Variants in ERGIC1 observed in about 807,000 individuals in gnomAD.
ERGIC1 encodes the protein endoplasmic reticulum-golgi intermediate compartment 1.
Under a neutral mutation model 38.3 loss-of-function variants are expected in ERGIC1, and 19 were observed. That is an observed-to-expected ratio of 0.50 (90% CI 0.35 to 0.73). The LOEUF is 0.73. Ranked by LOEUF, ERGIC1 falls within the 30% of genes least tolerant of loss-of-function variation. The pLI, the probability that ERGIC1 is intolerant of heterozygous loss-of-function variation, is 0.01. For synonymous variants in ERGIC1, 124 were observed against 157.6 expected, an observed-to-expected ratio of 0.79 and a Z score of 1.60; for missense variants, 294 against 389.2, an observed-to-expected ratio of 0.76 and a Z score of 2.06.
chr5:172,865,702 G>A (rs1030228109), intron 1 of ERGIC1, among the ~76,000 whole-genome samples: 1 of 152,128 alleles, frequency 6.6e-6, no homozygotes, highest in South Asian at 2.1e-4. Context: ...GGTCACACAC[G>A]TGGAATCATA....
chr5:172,906,139 G>T, intron 3 of ERGIC1: 1 of 456,248 alleles, frequency 2.2e-6, no homozygotes, highest in Non-Finnish European at 4.4e-6. Context: ...GCTCTTGGTG[G>T]CCTCTGATTG....
intron 1 of ERGIC1, among the ~76,000 whole-genome samples, chr5:172,881,574 T>A (rs1159471466): frequency 6.6e-6 from 1 of 152,218 alleles, no homozygotes; most frequent in African/African-American, 2.4e-5. Context: ...TTTAGCTTTC[T>A]GTGTTTGAGG....
At chr5:172,908,707 A>C (rs982566910) in intron 3 of ERGIC1, among the ~76,000 whole-genome samples, 1 of 152,248 alleles carries the variant, frequency 6.6e-6, no homozygotes, top group Non-Finnish European at 1.5e-5. Flanking sequence ...TCTCCCAAGA[A>C]CACAGCCCGT....
chr5:172,907,745 CA>C (rs1763071806), intron 3 of ERGIC1, among the ~76,000 whole-genome samples: 1 of 152,128 alleles, frequency 6.6e-6, no homozygotes, highest in African/African-American at 2.4e-5. Flanking sequence ...CCCTTCTCCC[CA>C]AAGGTCAGTG....
At chr5:172,856,923 A>T (rs191658109) in intron 1 of ERGIC1, among the ~76,000 whole-genome samples, 33 of 152,332 alleles carry the variant, frequency 2.2e-4, no homozygotes, top group African/African-American at 7.7e-4. Flanking sequence ...TAAGCCGTGC[A>T]TACAAAATGC....
intron 1 of ERGIC1, among the ~76,000 whole-genome samples, chr5:172,857,474 G>A (rs2113076399): frequency 6.6e-6 from 1 of 152,256 alleles, no homozygotes; most frequent in Admixed American, 6.5e-5. Flanking sequence ...CTTGTGTGCA[G>A]CAATGAACAG....
chr5:172,873,095 G>A (rs1762058369), intron 1 of ERGIC1, among the ~76,000 whole-genome samples: 1 of 152,242 alleles, frequency 6.6e-6, no homozygotes, highest in Non-Finnish European at 1.5e-5. Context: ...AGCTCCTGCC[G>A]CTCAGCGTTT....
intron 1 of ERGIC1, among the ~76,000 whole-genome samples, chr5:172,845,394 C>T (rs1761262605): frequency 6.6e-6 from 1 of 152,200 alleles, no homozygotes; most frequent in Admixed American, 6.5e-5. Context: ...TGCAGCACTT[C>T]CTGTGGGCAG....
intron 9 of ERGIC1, among the ~76,000 whole-genome samples, chr5:172,946,228 C>T (rs1223280204): frequency 6.6e-6 from 1 of 152,208 alleles, no homozygotes; most frequent in Non-Finnish European, 1.5e-5. Context: ...TCTCCTCGCT[C>T]CTCTGTGTGA....
At chr5:172,944,579 G>A (rs181377460) in intron 9 of ERGIC1, among the ~76,000 whole-genome samples, 1,912 of 152,276 alleles carry the variant, frequency 0.013, 24 homozygotes, top group Non-Finnish European at 0.02. Flanking sequence ...GGCTGGTCTC[G>A]AACTCCCCAC....
At chr5:172,877,567 C>A (rs927373924) in intron 1 of ERGIC1, among the ~76,000 whole-genome samples, 5 of 150,038 alleles carry the variant, frequency 3.3e-5, no homozygotes, top group African/African-American at 9.8e-5. Flanking sequence ...TCAAGCACCA[C>A]CCCCCTGACA....
At chr5:172,845,995 T>G (rs902891262) in intron 1 of ERGIC1, among the ~76,000 whole-genome samples, 3 of 152,322 alleles carry the variant, frequency 2.0e-5, no homozygotes, top group Admixed American at 2.0e-4. Flanking sequence ...CCAGGCATCC[T>G]GTAGAATGTC....
chr5:172,915,492 A>G (rs1440278016), intron 5 of ERGIC1: 1 of 450,160 alleles, frequency 2.2e-6, no homozygotes, highest in East Asian at 7.1e-5. Context: ...AGGACCATTC[A>G]AGGTTCACTG....
At chr5:172,914,649 C>T (rs953857924) in intron 4 of ERGIC1, 65 bp from the exon 5 acceptor site, 4 of 1,613,024 alleles carry the variant, frequency 2.5e-6, no homozygotes, top group Non-Finnish European at 2.5e-6. Flanking sequence ...CCAGAGAGAA[C>T]AGGCTGGCCC....
chr5:172,943,811 G>A (rs1764061705), intron 9 of ERGIC1, among the ~76,000 whole-genome samples: 1 of 152,324 alleles, frequency 6.6e-6, no homozygotes, highest in East Asian at 1.9e-4. Flanking sequence ...GGGGAGTAAT[G>A]ATGCACTGGG....
intron 1 of ERGIC1, among the ~76,000 whole-genome samples, chr5:172,850,486 CG>C (rs1343508796): frequency 1.3e-5 from 2 of 152,042 alleles, no homozygotes; most frequent in African/African-American, 4.8e-5. Context: ...GCTGAGGGCT[CG>C]GGGGAGTAGA....
rs188892798 is a variant in ERGIC1 at position 172,859,361 on chromosome 5, G to A, written c.20+24928G>A. On this transcript the variant is annotated intron_variant, in intron 1 of 9. Transcript: ENST00000393784. ...AACCTTTGAGCTCCGTGTGAATGGGGCATGTCCCACCCACCCCCAACTCCC... is the reference window on the plus strand; with the variant it reads ...AACCTTTGAGCTCCGTGTGAATGGGACATGTCCCACCCACCCCCAACTCCC... Among the ~76,000 whole-genome samples the A allele has an allele frequency of 2.8e-3, 428 of 152,222 alleles. 2 individuals are homozygous for A. Among genetic ancestry groups the A allele is most frequent in the African/African-American group, 0.01 (418 of 41,528 alleles).
At chr5:172,850,723 G>T (rs758950337) in intron 1 of ERGIC1, among the ~76,000 whole-genome samples, 1 of 152,014 alleles carries the variant, frequency 6.6e-6, no homozygotes, top group African/African-American at 2.4e-5. Flanking sequence ...TTTCAGTGTC[G>T]AACCCCTCTT....
intron 3 of ERGIC1, among the ~76,000 whole-genome samples, chr5:172,900,219 G>A (rs962078765): frequency 6.6e-6 from 1 of 152,160 alleles, no homozygotes; most frequent in Admixed American, 6.5e-5. Flanking sequence ...GGAGCATTGG[G>A]GAAGGGCCCT....
Sources: allele counts gnomAD v4.1 joint callset (sites outside exome capture counted in the v4.1 genomes callset), GRCh38; gene constraint gnomAD v4.1.1; transcripts MANE v1.5; gene names NCBI Gene and HGNC (gene_info 2026-07-23, HGNC 2026-07-21).